Variants in CTNNA2 observed in about 807,000 individuals in gnomAD.
CTNNA2 encodes catenin alpha-2.
CTNNA2 carries 42 observed loss-of-function variants against 101.0 expected under a neutral mutation model. The observed-to-expected ratio is 0.42, with a 90% CI of 0.32 to 0.54. The LOEUF (loss-of-function observed/expected upper bound fraction) is 0.54, where lower values mean the gene tolerates loss of function less well. Ranked by LOEUF, CTNNA2 falls within the 20% of genes least tolerant of loss-of-function variation. CTNNA2 has a pLI of 0.14. For missense variants in CTNNA2, 871 were observed against 1,223.1 expected (o/e 0.71, Z 4.29); for synonymous variants, 450 against 456.4 (o/e 0.99, Z 0.18).
At chr2:79,407,389 AT>A (rs1432273267) in intron 4 of CTNNA2, among the ~76,000 whole-genome samples, 3 of 151,938 alleles carry the variant, frequency 2.0e-5, no homozygotes, top group Non-Finnish European at 4.4e-5. Context: ...GGGGGAGCAG[AT>A]TTTTGACTAA....
At chr2:80,364,216 C>G (rs1321362087) in intron 7 of CTNNA2, among the ~76,000 whole-genome samples, 2 of 152,050 alleles carry the variant, frequency 1.3e-5, no homozygotes, top group Non-Finnish European at 2.9e-5. Context: ...AACTGTTCTC[C>G]TGTCTTGCTG....
chr2:79,682,955 T>C (rs577095809), intron 2 of CTNNA2, among the ~76,000 whole-genome samples: 1 of 152,268 alleles, frequency 6.6e-6, no homozygotes, highest in Non-Finnish European at 1.5e-5. Flanking sequence ...TCAGAAGAAG[T>C]TGTAGGAATA....
At chr2:79,235,990 G>A (rs1021989398) in intron 2 of CTNNA2, among the ~76,000 whole-genome samples, 4 of 152,200 alleles carry the variant, frequency 2.6e-5, no homozygotes, top group African/African-American at 4.8e-5. Context: ...TCTAGCAGGT[G>A]TGGCCTGCCT....
intron 7 of CTNNA2, among the ~76,000 whole-genome samples, chr2:80,018,101 CCT>C (rs1196074626): frequency 6.6e-6 from 1 of 152,020 alleles, no homozygotes; most frequent in African/African-American, 2.4e-5. Context: ...TTTGAAAATA[CCT>C]GAGAATGTTA....
intron 7 of CTNNA2, among the ~76,000 whole-genome samples, chr2:80,072,995 A>G (rs1228476911): frequency 6.6e-6 from 1 of 152,246 alleles, no homozygotes; most frequent in Non-Finnish European, 1.5e-5. Flanking sequence ...CAGAAATTAA[A>G]GGAAAAAACT....
chr2:79,706,092 C>G (rs1010330816), intron 2 of CTNNA2, among the ~76,000 whole-genome samples: 4 of 151,862 alleles, frequency 2.6e-5, no homozygotes, highest in African/African-American at 9.7e-5. Flanking sequence ...GGGCCAGGTG[C>G]GGTGGCTTAT....
intron 7 of CTNNA2, among the ~76,000 whole-genome samples, chr2:80,065,772 C>T (rs769649936): frequency 1.3e-5 from 2 of 152,162 alleles, no homozygotes; most frequent in Non-Finnish European, 2.9e-5. Flanking sequence ...CACAAAGCAT[C>T]AGCTATCATC....
intron 8 of CTNNA2, among the ~76,000 whole-genome samples, chr2:80,405,789 C>G (rs1156466018): frequency 6.6e-6 from 1 of 152,052 alleles, no homozygotes; most frequent in Non-Finnish European, 1.5e-5. Flanking sequence ...AAAGGAGAAC[C>G]ATTTGTCCTG....
At chr2:79,471,893 C>T (rs1330670801) in intron 4 of CTNNA2, among the ~76,000 whole-genome samples, 1 of 151,992 alleles carries the variant, frequency 6.6e-6, no homozygotes, top group African/African-American at 2.4e-5. Flanking sequence ...ACATTTATTC[C>T]ATTGAATTTG....
chr2:79,383,006 A>C (rs2104464871), intron 4 of CTNNA2, among the ~76,000 whole-genome samples: 1 of 152,352 alleles, frequency 6.6e-6, no homozygotes, highest in South Asian at 2.1e-4. Flanking sequence ...TGAAAAGAAG[A>C]ATAACACATT....
At chr2:80,553,779 A>T (rs1046112428) in intron 11 of CTNNA2, among the ~76,000 whole-genome samples, 3 of 152,186 alleles carry the variant, frequency 2.0e-5, no homozygotes, top group Non-Finnish European at 2.9e-5. Context: ...CAGAAAGAGA[A>T]GCTTCTTTTA....
chr2:79,987,718 C>T (rs1246080636), intron 7 of CTNNA2, among the ~76,000 whole-genome samples: 2 of 152,116 alleles, frequency 1.3e-5, no homozygotes, highest in African/African-American at 2.4e-5. Context: ...AGCATTCTCT[C>T]TGACATTGTA....
At chr2:79,215,946 C>T (rs1284131327) in intron 2 of CTNNA2, among the ~76,000 whole-genome samples, 17 of 152,006 alleles carry the variant, frequency 1.1e-4, no homozygotes, top group African/African-American at 3.4e-4. Context: ...GACTCAGTGA[C>T]GCTTGGGGTT....
intron 3 of CTNNA2, among the ~76,000 whole-genome samples, chr2:79,367,489 C>G (rs1285062075): frequency 6.6e-6 from 1 of 151,964 alleles, no homozygotes; most frequent in African/African-American, 2.4e-5. Flanking sequence ...GGGACTGGAG[C>G]CAGGTAAGCA....
chr2:80,033,607 A>G (rs1224542823), intron 7 of CTNNA2, among the ~76,000 whole-genome samples: 1 of 152,182 alleles, frequency 6.6e-6, no homozygotes, highest in Non-Finnish European at 1.5e-5. Flanking sequence ...AACACTCACC[A>G]AATTCGTAGA....
At chr2:80,552,688 TA>T (rs1173643979) in intron 11 of CTNNA2, among the ~76,000 whole-genome samples, 3 of 152,310 alleles carry the variant, frequency 2.0e-5, no homozygotes, top group Middle Eastern at 3.4e-3. Flanking sequence ...CTACATGGTA[TA>T]ACCTATTACT....
chr2:80,365,479 C>G (rs1674832662), intron 7 of CTNNA2, among the ~76,000 whole-genome samples: 1 of 150,564 alleles, frequency 6.6e-6, no homozygotes, highest in Non-Finnish European at 1.5e-5. Context: ...ATGTACTCAT[C>G]AAAATGAGCT....
At chr2:80,403,626 A>G (rs1573957461) in intron 8 of CTNNA2, among the ~76,000 whole-genome samples, 2 of 152,334 alleles carry the variant, frequency 1.3e-5, no homozygotes, top group Non-Finnish European at 2.9e-5. Context: ...TACTCTACAC[A>G]TAATGTTTAC....
At chr2:80,282,600 A>C (rs187362838) in intron 7 of CTNNA2, among the ~76,000 whole-genome samples, 169 of 152,292 alleles carry the variant, frequency 1.1e-3, no homozygotes, top group African/African-American at 3.9e-3. Flanking sequence ...CTCTCCTATT[A>C]TTTTAAAGCA....
Sources: gnomAD v4.1 joint callset for allele counts (sites outside exome capture counted in the v4.1 genomes callset) on GRCh38, gnomAD v4.1.1 for gene constraint, MANE v1.5 for transcripts, NCBI Gene and HGNC (gene_info 2026-07-23, HGNC 2026-07-21) for gene names.